The following ZNF324B variants were observed in gnomAD, a reference collection of about 807,000 sequenced individuals.
ZNF324B encodes zinc finger protein 324B.
In ZNF324B, 7 loss-of-function variants were observed where a neutral mutation model predicts 10.6. The ratio of observed to expected loss-of-function variants is 0.66; its 90% CI spans 0.38 to 1.24. The LOEUF (loss-of-function observed/expected upper bound fraction) is 1.24. ZNF324B is among the 50% of genes most tolerant of loss of function. The probability of loss-of-function intolerance (pLI) is 0.02; values close to 1 mark genes in which losing one functional copy is unlikely to be tolerated. For synonymous variants in ZNF324B, 316 were observed against 321.0 expected (o/e 0.98, Z 0.17); for missense variants, 640 against 764.7 (o/e 0.84, Z 1.92).
At chr19:58,445,690 C>G in the ZNF324B span, 1 of 341,832 alleles carries the variant, frequency 2.9e-6, no homozygotes. Flanking sequence ...TAACGCCCAT[C>G]TGTAATCCCA....
chr19:58,451,508 C>A, upstream of ZNF324B: 1 of 436,854 alleles, frequency 2.3e-6, no homozygotes. Context: ...AATGGCCCCG[C>A]CTCCGCGCCG....
the ZNF324B span, among the ~76,000 whole-genome samples, chr19:58,427,452 C>CCCTTCCCTT: frequency 2.1e-5 from 1 of 47,052 alleles, no homozygotes; most frequent in East Asian, 6.6e-4. Flanking sequence ...CCTTTCCTTT[C>CCCTTCCCTT]CCTTCCTTCC....
upstream of ZNF324B, among the ~76,000 whole-genome samples, chr19:58,447,010 C>G (rs765451894): frequency 6.8e-6 from 1 of 147,796 alleles, no homozygotes; most frequent in South Asian, 2.2e-4. Context: ...GAGTCTCACT[C>G]TGGTGCTCAG....
At chr19:58,446,734 G>A (rs1014647022), upstream of ZNF324B, among the ~76,000 whole-genome samples, 8 of 151,026 alleles carry the variant, frequency 5.3e-5, no homozygotes, top group East Asian at 2.0e-4. Context: ...ACACCACCTC[G>A]CCCGGCTAAT....
At chr19:58,431,818 C>T in the ZNF324B span, among the ~76,000 whole-genome samples, 1 of 152,042 alleles carries the variant, frequency 6.6e-6, no homozygotes, top group Non-Finnish European at 1.5e-5. Flanking sequence ...GGTGAAAACC[C>T]GTCTCTACTA....
the ZNF324B span, among the ~76,000 whole-genome samples, chr19:58,427,020 T>C: frequency 2.6e-5 from 4 of 152,316 alleles, no homozygotes; most frequent in Non-Finnish European, 5.9e-5. Context: ...CCCTAACAGG[T>C]TGGCTGCTGT....
At chr19:58,437,188 C>A in the ZNF324B span, 1 of 1,608,884 alleles carries the variant, frequency 6.2e-7, no homozygotes, top group South Asian at 1.1e-5. Context: ...AATGTGGGGA[C>A]AGCTGAGCCA....
chr19:58,425,297 T>C, the ZNF324B span, among the ~76,000 whole-genome samples: 1 of 151,462 alleles, frequency 6.6e-6, no homozygotes. Flanking sequence ...TTGCCCAGGC[T>C]GGTCTTAAAC....
Position 58,456,365 on chromosome 19 carries a change from T to A in ZNF324B, c.1421T>A (p.Ile474Asn), listed in dbSNP as rs938334154. The A allele has an allele frequency of 2.8e-5, 45 of 1,612,674 alleles. No individual in the cohort carries two copies. The highest frequency in any genetic ancestry group is 3.2e-5 in the Non-Finnish European group (38 of 1,179,968). The change falls in exon 4 of 4, where the codon ATT becomes AAT. Residue 474 changes from isoleucine (I) to asparagine (N), a missense_variant. By Grantham distance (149) the Ile-to-Asn change is moderately radical (BLOSUM62 -3). This residue lies in a region of ZNF324B where 238 missense variants were observed against 258.0 expected (regional missense o/e 0.92). Coordinates refer to ENST00000336614, the MANE Select transcript of ZNF324B (RefSeq NM_207395.3). This position sits in a 1 kb window ranked among gnomAD's most constrained non-coding sequence, Gnocchi z 4.7. The stretch of plus-strand genomic sequence containing the variant: ...GCCGTGCTGCTCAGCCACCGGCGCA[T>A]TCACACGGGCGAGAAGCCCTTCGTG... ...KGAVLLSHRR[I>N]HTGEKPFVCT...
At chr19:58,450,465 A>G (rs956880380), upstream of ZNF324B, among the ~76,000 whole-genome samples, 1 of 37,010 alleles carries the variant, frequency 2.7e-5, no homozygotes, top group Non-Finnish European at 6.0e-5. Context: ...ACCCTGTCTC[A>G]AAAAAAAAAA....
At chr19:58,434,002 T>C in the ZNF324B span, 2 of 1,614,084 alleles carry the variant, frequency 1.2e-6, no homozygotes, top group East Asian at 2.2e-5. Context: ...TTCTCCAGTG[T>C]GAACTTTCTG....
upstream of ZNF324B, among the ~76,000 whole-genome samples, chr19:58,450,611 G>A (rs2052849437): frequency 1.3e-5 from 2 of 152,078 alleles, no homozygotes; most frequent in African/African-American, 4.8e-5. Flanking sequence ...AAATTGTCGA[G>A]CTATCTTACA....
the ZNF324B span, among the ~76,000 whole-genome samples, chr19:58,425,819 C>T: frequency 6.6e-6 from 1 of 152,154 alleles, no homozygotes; most frequent in African/African-American, 2.4e-5. Context: ...AAAAAGGTCA[C>T]ATAGTAGGTA....
At chr19:58,451,518 GA>G, upstream of ZNF324B, 2 of 466,324 alleles carry the variant, frequency 4.3e-6, no homozygotes, top group South Asian at 1.5e-5. Context: ...CCTCCGCGCC[GA>G]AAAACAGGCA....
chr19:58,436,310 C>A, the ZNF324B span: 1 of 154,290 alleles, frequency 6.5e-6, no homozygotes, highest in Non-Finnish European at 1.5e-5. Flanking sequence ...ATAGAAATCA[C>A]TAGACTGTGT....
At chr19:58,434,583 C>T in the ZNF324B span, 2 of 1,614,038 alleles carry the variant, frequency 1.2e-6, no homozygotes, top group South Asian at 1.1e-5. Flanking sequence ...GGGGTATTTC[C>T]CCAGTGTGAA....
the ZNF324B span, chr19:58,435,279 T>C: frequency 2.0e-6 from 3 of 1,531,566 alleles, no homozygotes; most frequent in African/African-American, 1.4e-5. Flanking sequence ...TCATTAGAAA[T>C]GTTACCCAGG....
At position 58,455,166 on chromosome 19, in the gene ZNF324B, C is replaced by T. The variant is rs775915270; in HGVS notation, c.239-17C>T. ...TAACCAGGATGCCCCAGGCAACCACCGTTTCTCTGCGTTTAGGTTCCTGGA... is the reference window on the plus strand; with the variant it reads ...TAACCAGGATGCCCCAGGCAACCACTGTTTCTCTGCGTTTAGGTTCCTGGA... On this transcript the variant is annotated splice_polypyrimidine_tract_variant and intron_variant, in intron 3 of 3. Transcript: ENST00000336614. The surrounding 1 kb of genome is among the most constrained non-coding windows in gnomAD (Gnocchi z 7.0). 20 of 1,613,958 alleles carry T rather than the reference C, an allele frequency of 1.2e-5. No homozygotes were observed. The highest frequency in any genetic ancestry group is 1.6e-4 in the Middle Eastern group (1 of 6,062).
chr19:58,455,543 AG>A lies in ZNF324B; in HGVS notation c.601del (p.Glu201ArgfsTer13). On this transcript the variant is annotated frameshift_variant, in exon 4 of 4. Transcript: ENST00000336614. LOFTEE classifies it low-confidence loss of function (END_TRUNC). The surrounding 1 kb of genome is among the most constrained non-coding windows in gnomAD (Gnocchi z 7.0). Reference sequence around the variant, plus strand: ...CCTGAGCGGCAGAAGCCATGTGCACAGGAGGTCCCTGGGAGAGCCTTCGGGA... The same window carrying A: ...CCTGAGCGGCAGAAGCCATGTGCACAGAGGTCCCTGGGAGAGCCTTCGGGA... ...RTPERQKPCAQEVPGRAFGNA... is the reference protein window; with the variant it reads ...RTPERQKPCAXEVPGRAFGNA... 1 of 1,614,108 alleles carries A rather than the reference AG, an allele frequency of 6.2e-7. No individual in the cohort carries two copies. The highest frequency in any genetic ancestry group is 8.5e-7 in the Non-Finnish European group (1 of 1,180,016).
Sources: allele counts gnomAD v4.1 joint callset (sites outside exome capture counted in the v4.1 genomes callset), GRCh38; gene constraint gnomAD v4.1.1; regional missense constraint gnomAD v4.1.1; non-coding constraint Gnocchi (gnomAD v3.1); transcripts MANE v1.5; gene names NCBI Gene and HGNC (gene_info 2026-07-23, HGNC 2026-07-21).